The following ZNF365 variants were observed in gnomAD, a reference collection of about 807,000 sequenced individuals.
ZNF365 encodes the protein protein ZNF365.
ZNF365 carries 22 observed loss-of-function variants against 35.0 expected under a neutral mutation model. The observed-to-expected ratio is 0.63, with a 90% CI of 0.45 to 0.90. ZNF365 has a LOEUF of 0.90. ZNF365 is among the 40% of genes least tolerant of loss of function. The pLI, the probability that ZNF365 is intolerant of heterozygous loss-of-function variation, is 0.00. For synonymous variants in ZNF365, 188 were observed against 196.2 expected, an observed-to-expected ratio of 0.96 and a Z score of 0.35; for missense variants, 448 against 500.3, an observed-to-expected ratio of 0.90 and a Z score of 1.00.
chr10:62,447,503 C>T (rs1179195537), intron 3 of ZNF365, among the ~76,000 whole-genome samples: 1 of 152,166 alleles, frequency 6.6e-6, no homozygotes, highest in African/African-American at 2.4e-5. Context: ...TCCCTTGTGG[C>T]ATGTATTTAA....
At chr10:62,424,180 A>T (rs1484098049) in intron 3 of ZNF365, among the ~76,000 whole-genome samples, 1 of 152,202 alleles carries the variant, frequency 6.6e-6, no homozygotes, top group African/African-American at 2.4e-5. Context: ...GTGAGTGAGT[A>T]TGCTTATCCA....
At position 62,401,486 on chromosome 10, in the gene ZNF365, T is replaced by TG. The variant is rs5785521; in HGVS notation, c.*1705dup. On this transcript the variant is annotated 3_prime_UTR_variant, in exon 5 of 5. Coordinates refer to ENST00000395254, the MANE Select transcript of ZNF365 (RefSeq NM_014951.3). ...AATCTTCACTTTGACTTTCAGTTTA[T>TG]GGGGGGGGTAGATCATTCATGTGAT... 104 of 985,082 alleles carry TG rather than the reference T, an allele frequency of 1.1e-4. No individual in the cohort carries two copies. The Middle Eastern group carries it at 1.6e-3, about 15-fold the overall frequency. 61.0% of individuals were successfully genotyped at this position (985,082 alleles called of 1,614,324 possible).
At chr10:62,408,802 G>A (rs753875720) in intron 3 of ZNF365, among the ~76,000 whole-genome samples, 9 of 152,078 alleles carry the variant, frequency 5.9e-5, no homozygotes, top group Non-Finnish European at 7.4e-5. Context: ...AGACTAGATC[G>A]TAGAACAGCC....
At chr10:62,441,200 C>T (rs566915015) in intron 3 of ZNF365, among the ~76,000 whole-genome samples, 1 of 152,228 alleles carries the variant, frequency 6.6e-6, no homozygotes, top group East Asian at 1.9e-4. Flanking sequence ...TAAGGTCATA[C>T]AGCCAGTATG....
In ZNF365 at chr10:62,401,533, G is replaced by C. The variant is rs1207677062; in HGVS notation, c.*1744G>C. On this transcript the variant is annotated 3_prime_UTR_variant, in exon 5 of 5. Coordinates refer to ENST00000395254, the MANE Select transcript of ZNF365 (RefSeq NM_014951.3). ...TGATATATAAGCAGCTATCAAGTGGGCAAAAACATTGCTGTGAATAGCACT... is the reference window on the plus strand; with the variant it reads ...TGATATATAAGCAGCTATCAAGTGGCCAAAAACATTGCTGTGAATAGCACT... 6 of 985,300 alleles carry C rather than the reference G, an allele frequency of 6.1e-6. No individual in the cohort carries two copies. Among genetic ancestry groups the C allele is most frequent in the Non-Finnish European group, 7.2e-6 (6 of 829,870 alleles). The allele number at this position is 985,300 out of a possible 1,614,324, so 61.0% of individuals were successfully genotyped here. A position where few individuals can be genotyped will look rare whatever the true frequency, so the allele number is the denominator to read the frequency against.
At chr10:62,455,639 G>A (rs1252243673) in intron 3 of ZNF365, among the ~76,000 whole-genome samples, 1 of 151,846 alleles carries the variant, frequency 6.6e-6, no homozygotes, top group Non-Finnish European at 1.5e-5. Flanking sequence ...TTTAAACTAT[G>A]TGCATATGGT....
intron 1 of ZNF365, chr10:62,375,457 T>C (rs1303540642): frequency 6.6e-6 from 1 of 152,260 alleles, no homozygotes; most frequent in Non-Finnish European, 1.5e-5. Flanking sequence ...TCTGTTATTG[T>C]TACGATTAGC....
At chr10:62,437,529 AGACAAAGT>A (rs2132461696) in intron 3 of ZNF365, among the ~76,000 whole-genome samples, 1 of 152,342 alleles carries the variant, frequency 6.6e-6, no homozygotes, top group Admixed American at 6.5e-5. Flanking sequence ...TGACGGAAGC[AGACAAAGT>A]TTAAAGCGAG....
At chr10:62,474,642 C>T (rs1164165884) in intron 4 of ZNF365, among the ~76,000 whole-genome samples, 3 of 152,166 alleles carry the variant, frequency 2.0e-5, no homozygotes, top group African/African-American at 7.2e-5. Flanking sequence ...GTCAATAAGC[C>T]AATGATTCTC....
chr10:62,395,590 C>T (rs999053444), intron 3 of ZNF365, among the ~76,000 whole-genome samples: 1 of 146,994 alleles, frequency 6.8e-6, no homozygotes. Context: ...CTCCTGACTT[C>T]AGGTGATCTG....
intron 3 of ZNF365, among the ~76,000 whole-genome samples, chr10:62,455,037 G>A (rs74158915): frequency 6.6e-6 from 1 of 152,166 alleles, no homozygotes; most frequent in African/African-American, 2.4e-5. Context: ...TACATTTGGT[G>A]GGGGGTTAAA....
chr10:62,428,055 G>T (rs951902722), intron 3 of ZNF365, among the ~76,000 whole-genome samples: 1 of 151,998 alleles, frequency 6.6e-6, no homozygotes, highest in African/African-American at 2.4e-5. Flanking sequence ...ACCAGTTTTT[G>T]TATCATTTTT....
chr10:62,391,186 A>G (rs1228976064), intron 3 of ZNF365, among the ~76,000 whole-genome samples: 2 of 152,238 alleles, frequency 1.3e-5, no homozygotes, highest in Admixed American at 6.5e-5. Flanking sequence ...CACAAACATT[A>G]TATAGAAGTA....
intron 3 of ZNF365, among the ~76,000 whole-genome samples, chr10:62,450,485 T>A (rs912273171): frequency 5.3e-5 from 8 of 152,208 alleles, no homozygotes; most frequent in Non-Finnish European, 4.4e-5. Flanking sequence ...TTCTTAATAA[T>A]TTTTGAACAA....
intron 4 of ZNF365, among the ~76,000 whole-genome samples, chr10:62,476,101 A>AGGGGTAGGGT (rs1422810512): frequency 7.2e-6 from 1 of 138,554 alleles, no homozygotes; most frequent in Non-Finnish European, 1.6e-5. Flanking sequence ...TTTTGTGGGG[A>AGGGGTAGGGT]GGGGTAGGGT....
chr10:62,441,523 A>G (rs1317543216), intron 3 of ZNF365, among the ~76,000 whole-genome samples: 2 of 152,130 alleles, frequency 1.3e-5, no homozygotes, highest in East Asian at 3.9e-4. Context: ...CACAGGGCAG[A>G]ACCTTACTGA....
At chr10:62,407,412 C>G (rs1839921160), downstream of ZNF365, among the ~76,000 whole-genome samples, 1 of 152,174 alleles carries the variant, frequency 6.6e-6, no homozygotes, top group Non-Finnish European at 1.5e-5. Flanking sequence ...AAACTACTGA[C>G]ACCTGCTTGC....
intron 3 of ZNF365, among the ~76,000 whole-genome samples, chr10:62,419,102 GA>G (rs937082417): frequency 2.6e-5 from 4 of 152,028 alleles, no homozygotes; most frequent in African/African-American, 7.2e-5. Context: ...TCTAATGAAA[GA>G]AAATCTAAAA....
At chr10:62,475,962 T>A (rs1435107525) in intron 4 of ZNF365, among the ~76,000 whole-genome samples, 1 of 152,172 alleles carries the variant, frequency 6.6e-6, no homozygotes, top group Non-Finnish European at 1.5e-5. Context: ...CACAGATGGA[T>A]CTTATTGAAT....
Sources: allele counts gnomAD v4.1 joint callset (sites outside exome capture counted in the v4.1 genomes callset), GRCh38; gene constraint gnomAD v4.1.1; transcripts MANE v1.5; gene names NCBI Gene and HGNC (gene_info 2026-07-23, HGNC 2026-07-21).